Variants in KPNA1 observed in about 807,000 individuals in gnomAD.
KPNA1 encodes importin subunit alpha-5.
A neutral mutation model predicts 70.5 loss-of-function variants in KPNA1; 10 were observed. The observed-to-expected ratio is 0.14, with a 90% CI of 0.09 to 0.24. The LOEUF is 0.24. Among genes scored for constraint, KPNA1 ranks in the 10% least tolerant of loss-of-function variants. KPNA1 has a pLI of 1.00. For missense variants in KPNA1, 397 were observed against 637.9 expected, an observed-to-expected ratio of 0.62 and a Z score of 4.07; for synonymous variants, 192 against 221.9, an observed-to-expected ratio of 0.87 and a Z score of 1.20.
At chr3:122,511,558 A>C (rs1404882768) in intron 1 of KPNA1, among the ~76,000 whole-genome samples, 1 of 152,226 alleles carries the variant, frequency 6.6e-6, no homozygotes, top group Non-Finnish European at 1.5e-5. Context: ...CTACTCTTCC[A>C]ATGTACAACC....
At position 122,423,885 on chromosome 3, in the gene KPNA1, A is replaced by G. The variant is rs1486759144; in HGVS notation, c.*3100T>C. 6.6e-6 allele frequency: 1 copy of G among 152,406 alleles called. No homozygotes were observed. Among genetic ancestry groups the G allele is most frequent in the Non-Finnish European group, 1.5e-5 (1 of 68,022 alleles). The allele number at this position is 152,406 out of a possible 1,614,324, so 9.4% of individuals were successfully genotyped here. On this transcript the variant is annotated 3_prime_UTR_variant, in exon 14 of 14. Transcript: ENST00000344337. Reference sequence around the variant, plus strand: ...ATATGGAAGAAACAATCCTAGGGCAATAGTTTTTTCAAAAGCGGAACTGAC... The same window carrying G: ...ATATGGAAGAAACAATCCTAGGGCAGTAGTTTTTTCAAAAGCGGAACTGAC...
chr3:122,491,716 T>C (rs1025111454), intron 2 of KPNA1, among the ~76,000 whole-genome samples: 1 of 152,066 alleles, frequency 6.6e-6, no homozygotes, highest in South Asian at 2.1e-4. Context: ...TTAAATGAAA[T>C]AATCCCAAAA....
chr3:122,479,532 G>T (rs1389247351), intron 2 of KPNA1, among the ~76,000 whole-genome samples: 1 of 152,176 alleles, frequency 6.6e-6, no homozygotes, highest in African/African-American at 2.4e-5. Flanking sequence ...GGCCGAGGCA[G>T]GTGGATCACC....
chr3:122,456,409 GA>G lies in KPNA1; in HGVS notation c.433-2409del, dbSNP rs2076265314. 2.6e-5 allele frequency among the ~76,000 whole-genome samples: 4 copies of G among 152,214 alleles called. No individual in the cohort carries two copies. The South Asian group carries it at 8.3e-4, about 32-fold the overall frequency. Reference sequence around the variant, plus strand: ...CAGAATACATACCATCTGTATACAAGAAAAAGATTACAGTGAGATTTGGATG... The same window carrying G: ...CAGAATACATACCATCTGTATACAAGAAAAGATTACAGTGAGATTTGGATG... On this transcript the variant is annotated intron_variant, in intron 5 of 13. Coordinates refer to ENST00000344337, the MANE Select transcript of KPNA1 (RefSeq NM_002264.4).
At chr3:122,427,493 C>T in intron 13 of KPNA1, 45 bp downstream of exon 13, 1 of 1,561,198 alleles carries the variant, frequency 6.4e-7, no homozygotes, top group Non-Finnish European at 8.7e-7. Flanking sequence ...TATCTATGAC[C>T]CAATTCATTC....
At chr3:122,428,665 C>T (rs1159349127) in intron 12 of KPNA1, among the ~76,000 whole-genome samples, 1 of 152,102 alleles carries the variant, frequency 6.6e-6, no homozygotes, top group Non-Finnish European at 1.5e-5. Context: ...ACACAAACCA[C>T]CAAAACTCAG....
In KPNA1 at chr3:122,423,733, ATTGT is replaced by A. The variant is rs1160438915; in HGVS notation, c.*3248_*3251del. 1 of 152,616 alleles carries A rather than the reference ATTGT, an allele frequency of 6.6e-6. No individual in the cohort carries two copies. The highest frequency in any genetic ancestry group is 1.5e-5 in the Non-Finnish European group (1 of 68,024). The allele number at this position is 152,616 out of a possible 1,614,324, so 9.5% of individuals were successfully genotyped here. A position where few individuals can be genotyped will look rare whatever the true frequency, so the allele number is the denominator to read the frequency against. ...TTTGGTTTATAAAATATACTTACAT[ATTGT>A]TTCTTAGGCAAAAATCGGCAGCAAT... On this transcript the variant is annotated 3_prime_UTR_variant, in exon 14 of 14. Transcript: ENST00000344337.
chr3:122,430,552 AAAT>A (rs2075889314), intron 12 of KPNA1, among the ~76,000 whole-genome samples: 1 of 87,614 alleles, frequency 1.1e-5, no homozygotes, highest in South Asian at 3.7e-4. Context: ...GTGGTTTCTC[AAAT>A]AAACTGTGTG....
intron 1 of KPNA1, 157 bp from the exon 2 acceptor site, chr3:122,496,727 A>T (rs1434027345): frequency 3.3e-6 from 2 of 605,484 alleles, no homozygotes; most frequent in Non-Finnish European, 5.7e-6. Context: ...TTTTGAGACA[A>T]GGTCTTGCTC....
chr3:122,438,532 A>G (rs2076020046), intron 10 of KPNA1, among the ~76,000 whole-genome samples: 1 of 151,908 alleles, frequency 6.6e-6, no homozygotes, highest in Non-Finnish European at 1.5e-5. Flanking sequence ...GATTACAGGC[A>G]TGCGCCACCA....
chr3:122,441,260 A>G (rs2076058510), intron 10 of KPNA1, among the ~76,000 whole-genome samples: 4 of 152,244 alleles, frequency 2.6e-5, no homozygotes, highest in Admixed American at 2.6e-4. Context: ...AGGAAGAAAT[A>G]TGGCTAGAAC....
In KPNA1 at chr3:122,512,519, C is replaced by T. The variant is rs568744366; in HGVS notation, c.-6+2238G>A. On this transcript the variant is annotated intron_variant, in intron 1 of 13. Coordinates refer to ENST00000344337, the MANE Select transcript of KPNA1 (RefSeq NM_002264.4). ...GGCGGATTGCGTGAGCTCAGGAGTT[C>T]GAGACCAGCCTGGGCAAGACGGTGA... Among the ~76,000 whole-genome samples, 43 of 152,228 alleles carry T rather than the reference C, an allele frequency of 2.8e-4. 1 individual carries two copies. In the South Asian group the frequency reaches 7.0e-3, roughly 25 times the overall value.
At chr3:122,471,933 A>C (rs1466654057) in intron 2 of KPNA1, among the ~76,000 whole-genome samples, 1 of 152,256 alleles carries the variant, frequency 6.6e-6, no homozygotes, top group Non-Finnish European at 1.5e-5. Flanking sequence ...GCCTAACAAC[A>C]AAGTGTCTGT....
intron 2 of KPNA1, among the ~76,000 whole-genome samples, chr3:122,477,928 T>C (rs1284459329): frequency 6.7e-6 from 1 of 149,384 alleles, no homozygotes. Context: ...CTTTGGGTGG[T>C]CAAGGCGGGG....
chr3:122,456,159 G>A (rs1030382800), intron 5 of KPNA1, among the ~76,000 whole-genome samples: 4 of 152,132 alleles, frequency 2.6e-5, no homozygotes, highest in Non-Finnish European at 5.9e-5. Flanking sequence ...CAGTATGCCA[G>A]ATTATTTATA....
chr3:122,509,896 C>T (rs1390929761), intron 1 of KPNA1, among the ~76,000 whole-genome samples: 1 of 152,012 alleles, frequency 6.6e-6, no homozygotes, highest in East Asian at 1.9e-4. Context: ...ATGGAATGCC[C>T]TTAAACAAAA....
chr3:122,489,050 T>TTGTGTGTG (rs1463392032), intron 2 of KPNA1, among the ~76,000 whole-genome samples: 3 of 88,792 alleles, frequency 3.4e-5, no homozygotes, highest in African/African-American at 1.1e-4. Flanking sequence ...GTGGGTTTTT[T>TTGTGTGTG]TGCGTGCGTG....
At chr3:122,511,387 T>C (rs1436240006) in intron 1 of KPNA1, among the ~76,000 whole-genome samples, 1 of 152,188 alleles carries the variant, frequency 6.6e-6, no homozygotes, top group East Asian at 1.9e-4. Flanking sequence ...ATGAAGGAGA[T>C]TATCTCCATT....
chr3:122,493,166 T>C lies in KPNA1; in HGVS notation c.129+3271A>G, dbSNP rs537147736. On this transcript the variant is annotated intron_variant, in intron 2 of 13. Transcript: ENST00000344337. ...ACTATTCTAGAACTGTCCAGCTCTA[T>C]TCACAACAGGATTAAAACATATTAT... 5.3e-5 allele frequency among the ~76,000 whole-genome samples: 8 copies of C among 152,328 alleles called. No individual in the cohort carries two copies. The East Asian group carries it at 1.3e-3, about 26-fold the overall frequency.
Sources: allele counts gnomAD v4.1 joint callset (sites outside exome capture counted in the v4.1 genomes callset), GRCh38; gene constraint gnomAD v4.1.1; transcripts MANE v1.5; gene names NCBI Gene and HGNC (gene_info 2026-07-23, HGNC 2026-07-21).